The following ZC2HC1B variants were observed in gnomAD, a reference collection of about 807,000 sequenced individuals.
The protein encoded by ZC2HC1B is zinc finger C2HC domain-containing protein 1B.
Under a neutral mutation model 31.0 loss-of-function variants are expected in ZC2HC1B, and 36 were observed. That is an observed-to-expected ratio of 1.16 (90% CI 0.89 to 1.54). ZC2HC1B has a LOEUF of 1.54. Among genes scored for constraint, ZC2HC1B ranks in the 40% most tolerant of loss-of-function variants. The probability of loss-of-function intolerance (pLI) is 0.00; values close to 1 mark genes in which losing one functional copy is unlikely to be tolerated. For missense variants in ZC2HC1B, 260 were observed against 268.6 expected (o/e 0.97, Z 0.22); for synonymous variants, 73 against 88.0 (o/e 0.83, Z 0.95).
chr6:143,892,781 TA>T (rs1777616503), intron 4 of ZC2HC1B, among the ~76,000 whole-genome samples: 1 of 152,102 alleles, frequency 6.6e-6, no homozygotes, highest in Non-Finnish European at 1.5e-5. Context: ...GACAAATATC[TA>T]AACTATATCA....
chr6:143,884,120 A>C lies in ZC2HC1B; in HGVS notation c.29-184A>C, dbSNP rs1170517404. Among the ~76,000 whole-genome samples, 1 of 152,218 alleles carries C rather than the reference A, an allele frequency of 6.6e-6. No homozygotes were observed. The highest frequency in any genetic ancestry group is 2.4e-5 in the African/African-American group (1 of 41,448). On this transcript the variant is annotated intron_variant, in intron 1 of 7. Transcript: ENST00000237275. This position sits in a 1 kb window ranked among gnomAD's most constrained non-coding sequence, Gnocchi z 5.1. ...TTGTTTAGTGAAGTGAGGAGTTTAT[A>C]TCAGGAAAGGAAAACACAGGTGAGT...
chr6:143,922,577 A>AT lies in ZC2HC1B; in HGVS notation c.599-15069dup, dbSNP rs1260609615. Among the ~76,000 whole-genome samples the AT allele has an allele frequency of 6.6e-6, 1 of 152,180 alleles. No individual in the cohort carries two copies. Among genetic ancestry groups the AT allele is most frequent in the African/African-American group, 2.4e-5 (1 of 41,428 alleles). ...CCACATATGAATGAGAACATGTGAT[A>AT]TTTGTCTTTCTGTGTCTGGCTTAAT... On this transcript the variant is annotated intron_variant, in intron 6 of 7. Transcript: ENST00000237275. This position sits in a 1 kb window ranked among gnomAD's most constrained non-coding sequence, Gnocchi z 5.0.
intron 6 of ZC2HC1B, among the ~76,000 whole-genome samples, chr6:143,910,732 CTT>C (rs1777846404): frequency 1.3e-5 from 2 of 152,004 alleles, no homozygotes; most frequent in South Asian, 4.1e-4. Flanking sequence ...CTTCTTTTGT[CTT>C]TTTTGATCTT....
intron 5 of ZC2HC1B, 127 bp from the exon 6 acceptor site, chr6:143,902,917 T>C: frequency 2.5e-6 from 2 of 788,428 alleles, no homozygotes; most frequent in East Asian, 2.7e-5. Context: ...TTCCCCTGGA[T>C]TCAGGGAGTC....
intron 1 of ZC2HC1B, among the ~76,000 whole-genome samples, chr6:143,873,961 A>C (rs1398005437): frequency 6.6e-6 from 1 of 152,214 alleles, no homozygotes; most frequent in Admixed American, 6.5e-5. Context: ...TTCTTCTCAA[A>C]AAATGGGTTT....
Position 143,865,660 on chromosome 6 carries a change from T to G in ZC2HC1B, c.28+1093T>G, listed in dbSNP as rs1432127185. 6.6e-6 allele frequency among the ~76,000 whole-genome samples: 1 copy of G among 152,076 alleles called. No individual in the cohort carries two copies. The highest frequency in any genetic ancestry group is 2.4e-5 in the African/African-American group (1 of 41,406). On this transcript the variant is annotated intron_variant, in intron 1 of 7. Transcript: ENST00000237275. The surrounding 1 kb of genome is among the most constrained non-coding windows in gnomAD (Gnocchi z 4.4). ...AGGGTGCCTGGCATTCAGTATACAG[T>G]CACAAAGTAGTGTATGAATGAATGG...
intron 6 of ZC2HC1B, among the ~76,000 whole-genome samples, chr6:143,906,109 T>C (rs1354861376): frequency 6.6e-6 from 1 of 152,206 alleles, no homozygotes. Context: ...AGGGTTGGTG[T>C]TAGTTTTTCT....
intron 1 of ZC2HC1B, among the ~76,000 whole-genome samples, chr6:143,882,958 A>T (rs1777487138): frequency 6.6e-6 from 1 of 151,984 alleles, no homozygotes; most frequent in Non-Finnish European, 1.5e-5. Context: ...AACTCCCACA[A>T]ATCTAATCAG....
At chr6:143,916,568 C>T (rs1582971448) in intron 6 of ZC2HC1B, among the ~76,000 whole-genome samples, 1 of 152,362 alleles carries the variant, frequency 6.6e-6, no homozygotes, top group East Asian at 1.9e-4. Context: ...CCCACGAAAG[C>T]AGCCAGGAGG....
Position 143,934,543 on chromosome 6 carries a change from A to T in ZC2HC1B, c.599-3106A>T, listed in dbSNP as rs547122851. 1.3e-5 allele frequency among the ~76,000 whole-genome samples: 2 copies of T among 152,186 alleles called. No homozygotes were observed. The highest frequency in any genetic ancestry group is 2.9e-5 in the Non-Finnish European group (2 of 68,028). On this transcript the variant is annotated intron_variant, in intron 6 of 7. Transcript: ENST00000237275. The surrounding 1 kb of genome is among the most constrained non-coding windows in gnomAD (Gnocchi z 4.6). The stretch of plus-strand genomic sequence containing the variant: ...TTATGTTTCTTGTGTTCCTATGCCA[A>T]TATCTCTGCATCTGGTGTAACAGTC...
rs968680048 is a variant in ZC2HC1B at position 143,865,978 on chromosome 6, G to A, written c.28+1411G>A. Reference sequence around the variant, plus strand: ...TTACAGGTGTGCACCACCATGCCCAGCTAATTTTTGTATTCTTAGTAGAGA... The same window carrying A: ...TTACAGGTGTGCACCACCATGCCCAACTAATTTTTGTATTCTTAGTAGAGA... On this transcript the variant is annotated intron_variant, in intron 1 of 7. Transcript: ENST00000237275. This position sits in a 1 kb window ranked among gnomAD's most constrained non-coding sequence, Gnocchi z 4.4. Among the ~76,000 whole-genome samples the A allele has an allele frequency of 6.6e-6, 1 of 152,186 alleles. No homozygotes were observed. Among genetic ancestry groups the A allele is most frequent in the Non-Finnish European group, 1.5e-5 (1 of 68,032 alleles).
chr6:143,926,250 G>T (rs9496818), intron 6 of ZC2HC1B, among the ~76,000 whole-genome samples: 1,658 of 152,126 alleles, frequency 0.011, 32 homozygotes, highest in African/African-American at 0.037. Flanking sequence ...CTTGATATAC[G>T]CATTTATTGC....
chr6:143,875,414 G>T (rs1224533000), intron 1 of ZC2HC1B, among the ~76,000 whole-genome samples: 1 of 138,676 alleles, frequency 7.2e-6, no homozygotes, highest in Non-Finnish European at 1.6e-5. Context: ...GCTCCCAGTG[G>T]GCCATCTTTT....
chr6:143,933,462 A>G lies in ZC2HC1B; in HGVS notation c.599-4187A>G, dbSNP rs1056499972. On this transcript the variant is annotated intron_variant, in intron 6 of 7. Transcript: ENST00000237275. The surrounding 1 kb of genome is among the most constrained non-coding windows in gnomAD (Gnocchi z 6.4). ...CGGGTAGAGAAATACTATCAGGTGC[A>G]GGCAGGATTAGGTAGGTTTGAGCTC... Among the ~76,000 whole-genome samples the G allele has an allele frequency of 3.9e-5, 6 of 152,152 alleles. No homozygotes were observed. Among genetic ancestry groups the G allele is most frequent in the Non-Finnish European group, 8.8e-5 (6 of 68,028 alleles).
In ZC2HC1B at chr6:143,904,533, T is replaced by A. The variant is rs532907969; in HGVS notation, c.598+1381T>A. On this transcript the variant is annotated intron_variant, in intron 6 of 7. Coordinates refer to ENST00000237275, the MANE Select transcript of ZC2HC1B (RefSeq NM_001013623.3). ...TGTGCCAACATGCCCAGATAATTTT[T>A]AAATTTTTCGTAGAGATGAGTTCTC... Among the ~76,000 whole-genome samples the A allele has an allele frequency of 7.9e-4, 121 of 152,278 alleles. 1 individual carries two copies. The highest frequency in any genetic ancestry group is 7.9e-3 in the Admixed American group (120 of 15,286).
chr6:143,917,754 C>A lies in ZC2HC1B; in HGVS notation c.598+14602C>A, dbSNP rs1360165950. On this transcript the variant is annotated intron_variant, in intron 6 of 7. Coordinates refer to ENST00000237275, the MANE Select transcript of ZC2HC1B (RefSeq NM_001013623.3). This position sits in a 1 kb window ranked among gnomAD's most constrained non-coding sequence, Gnocchi z 4.1. Reference sequence around the variant, plus strand: ...AAAATTTAAAAAAAAATCTGCAACACTTTGGTCCCAAGCATTTCAGATAAG... The same window carrying A: ...AAAATTTAAAAAAAAATCTGCAACAATTTGGTCCCAAGCATTTCAGATAAG... 6.6e-6 allele frequency among the ~76,000 whole-genome samples: 1 copy of A among 152,154 alleles called. No homozygotes were observed. Among genetic ancestry groups the A allele is most frequent in the Non-Finnish European group, 1.5e-5 (1 of 68,022 alleles).
intron 1 of ZC2HC1B, among the ~76,000 whole-genome samples, chr6:143,879,186 G>A (rs1777440114): frequency 6.6e-6 from 1 of 152,216 alleles, no homozygotes. Flanking sequence ...TGTGAATCTG[G>A]ATGGTTCTCA....
chr6:143,919,947 T>G (rs1777968660), intron 6 of ZC2HC1B, among the ~76,000 whole-genome samples: 1 of 152,190 alleles, frequency 6.6e-6, no homozygotes, highest in Admixed American at 6.5e-5. Flanking sequence ...AGTAATTAGT[T>G]TTTTCCTCAT....
rs181793589 is a variant in ZC2HC1B at position 143,885,213 on chromosome 6, A to C, written c.91-819A>C. Among the ~76,000 whole-genome samples the C allele has an allele frequency of 2.6e-5, 4 of 152,202 alleles. No individual in the cohort carries two copies. Among genetic ancestry groups the C allele is most frequent in the Non-Finnish European group, 4.4e-5 (3 of 68,036 alleles). ...TTTATTTTTCTGGAGAATTTAAAAA[A>C]TGAAATAGCTGTCTTTTAGTTAACT... On this transcript the variant is annotated intron_variant, in intron 2 of 7. Coordinates refer to ENST00000237275, the MANE Select transcript of ZC2HC1B (RefSeq NM_001013623.3). This position sits in a 1 kb window ranked among gnomAD's most constrained non-coding sequence, Gnocchi z 4.2.
Sources: gnomAD v4.1 joint callset for allele counts (sites outside exome capture counted in the v4.1 genomes callset) on GRCh38, gnomAD v4.1.1 for gene constraint, Gnocchi (gnomAD v3.1) non-coding constraint, MANE v1.5 for transcripts, NCBI Gene and HGNC (gene_info 2026-07-23, HGNC 2026-07-21) for gene names.